The following PPM1H variants were observed in gnomAD, a reference collection of about 807,000 sequenced individuals.
The protein encoded by PPM1H is protein phosphatase 1H.
In PPM1H, 27 loss-of-function variants were observed where a neutral mutation model predicts 54.9. The ratio of observed to expected loss-of-function variants is 0.49; its 90% CI spans 0.36 to 0.68. The LOEUF is 0.68. Among genes scored for constraint, PPM1H ranks in the 30% least tolerant of loss-of-function variants. PPM1H has a pLI of 0.00. For missense variants in PPM1H, 596 were observed against 667.8 expected (o/e 0.89, Z 1.19); for synonymous variants, 305 against 270.8 (o/e 1.13, Z -1.24).
At chr12:62,745,712 ACTGT>A (rs2076406583) in intron 4 of PPM1H, among the ~76,000 whole-genome samples, 1 of 152,232 alleles carries the variant, frequency 6.6e-6, no homozygotes, top group Admixed American at 6.5e-5. Flanking sequence ...TAAGCCTAAA[ACTGT>A]CTGTACTTTT....
At chr12:62,817,044 T>C (rs2076870093) in intron 2 of PPM1H, among the ~76,000 whole-genome samples, 1 of 134,738 alleles carries the variant, frequency 7.4e-6, no homozygotes, top group South Asian at 2.4e-4. Flanking sequence ...TTTAAAATCA[T>C]CCATCTTAAT....
At chr12:62,830,916 T>C (rs77935914) in intron 2 of PPM1H, among the ~76,000 whole-genome samples, 1 of 80,686 alleles carries the variant, frequency 1.2e-5, no homozygotes, top group African/African-American at 9.9e-5. Flanking sequence ...TGCAGTGGCG[T>C]GATCTCAGCT....
chr12:62,897,548 T>C (rs936075771), intron 1 of PPM1H, among the ~76,000 whole-genome samples: 1 of 152,096 alleles, frequency 6.6e-6, no homozygotes, highest in African/African-American at 2.4e-5. Flanking sequence ...CAAGCAGGTG[T>C]CCATACCCTG....
At chr12:62,683,716 G>C (rs953243239) in intron 8 of PPM1H, among the ~76,000 whole-genome samples, 2 of 152,192 alleles carry the variant, frequency 1.3e-5, no homozygotes, top group South Asian at 2.1e-4. Context: ...GGAGAGAGCT[G>C]GCTCCGCAAA....
At chr12:62,795,405 T>G (rs2076726793) in intron 3 of PPM1H, among the ~76,000 whole-genome samples, 1 of 151,984 alleles carries the variant, frequency 6.6e-6, no homozygotes, top group Admixed American at 6.6e-5. Context: ...ATTTCTATAT[T>G]CATATAATGT....
intron 2 of PPM1H, among the ~76,000 whole-genome samples, chr12:62,824,387 T>C (rs201685783): frequency 1.3e-5 from 2 of 152,152 alleles, no homozygotes; most frequent in Admixed American, 6.5e-5. Flanking sequence ...CTTCACAGAA[T>C]TGGAAAAAAC....
At chr12:62,876,976 G>A (rs1415156076) in intron 1 of PPM1H, among the ~76,000 whole-genome samples, 1 of 152,116 alleles carries the variant, frequency 6.6e-6, no homozygotes, top group African/African-American at 2.4e-5. Context: ...CGGCACTTGC[G>A]CCCATCTTAC....
intron 7 of PPM1H, among the ~76,000 whole-genome samples, chr12:62,692,449 C>T (rs983856256): frequency 6.6e-6 from 1 of 152,130 alleles, no homozygotes; most frequent in Non-Finnish European, 1.5e-5. Context: ...TCCTATTGTA[C>T]TAAGGAAAGT....
At chr12:62,819,456 A>G in intron 2 of PPM1H, among the ~76,000 whole-genome samples, 1 of 152,306 alleles carries the variant, frequency 6.6e-6, no homozygotes, top group African/African-American at 2.4e-5. Flanking sequence ...CCAAAGGAGA[A>G]ATGTTTATTG....
chr12:62,831,786 C>T (rs549905365), intron 2 of PPM1H, among the ~76,000 whole-genome samples: 5 of 146,960 alleles, frequency 3.4e-5, no homozygotes, highest in Non-Finnish European at 7.5e-5. Flanking sequence ...CATATATATA[C>T]GTATACACAC....
At chr12:62,691,691 CAT>C (rs1447275550) in intron 7 of PPM1H, among the ~76,000 whole-genome samples, 2,660 of 151,908 alleles carry the variant, frequency 0.018, 93 homozygotes, top group African/African-American at 0.06. Flanking sequence ...AGTGTGGTGG[CAT>C]GCGCCTGTAG....
At chr12:62,705,466 G>C (rs2076167983) in intron 6 of PPM1H, among the ~76,000 whole-genome samples, 1 of 152,200 alleles carries the variant, frequency 6.6e-6, no homozygotes, top group Admixed American at 6.5e-5. Context: ...GTCACCTTTT[G>C]ATTCGTAGGC....
intron 6 of PPM1H, among the ~76,000 whole-genome samples, chr12:62,695,101 G>C (rs1170265559): frequency 1.3e-5 from 2 of 152,132 alleles, no homozygotes; most frequent in Non-Finnish European, 2.9e-5. Flanking sequence ...GGCTGCTTGG[G>C]AGTGAGTCTG....
At chr12:62,683,991 T>C (rs770491456) in intron 8 of PPM1H, among the ~76,000 whole-genome samples, 1 of 152,106 alleles carries the variant, frequency 6.6e-6, no homozygotes, top group African/African-American at 2.4e-5. Flanking sequence ...GAAAGAAGAA[T>C]GTGAGGAGAG....
intron 4 of PPM1H, among the ~76,000 whole-genome samples, chr12:62,759,666 C>T (rs992429539): frequency 7.9e-5 from 12 of 152,270 alleles, no homozygotes; most frequent in African/African-American, 2.2e-4. Context: ...CAGCAAGCAC[C>T]GCTTTTCTGG....
intron 1 of PPM1H, among the ~76,000 whole-genome samples, chr12:62,884,190 C>A (rs532702488): frequency 2.0e-5 from 3 of 151,964 alleles, no homozygotes; most frequent in Admixed American, 6.6e-5. Flanking sequence ...TTGCTTATCA[C>A]GAAATATGAA....
intron 5 of PPM1H, among the ~76,000 whole-genome samples, chr12:62,737,226 A>AC (rs1219981341): frequency 1.8e-4 from 27 of 151,320 alleles, no homozygotes; most frequent in African/African-American, 4.9e-4. Context: ...TTAAAAAAAA[A>AC]AAAAAACAAA....
At chr12:62,721,899 C>A (rs2076266065) in intron 5 of PPM1H, among the ~76,000 whole-genome samples, 1 of 152,176 alleles carries the variant, frequency 6.6e-6, no homozygotes, top group South Asian at 2.1e-4. Context: ...GAGTACTACA[C>A]TCAGTGCTTT....
chr12:62,917,110 C>G (rs1871649050), intron 1 of PPM1H, among the ~76,000 whole-genome samples: 1 of 152,238 alleles, frequency 6.6e-6, no homozygotes, highest in Non-Finnish European at 1.5e-5. Context: ...CTCAAGCAAG[C>G]CTCTGCGTCC....
Sources: gnomAD v4.1 joint callset for allele counts (sites outside exome capture counted in the v4.1 genomes callset) on GRCh38, gnomAD v4.1.1 for gene constraint, MANE v1.5 for transcripts, NCBI Gene and HGNC (gene_info 2026-07-23, HGNC 2026-07-21) for gene names.